The following BCL11B variants were observed in gnomAD, a reference collection of about 807,000 sequenced individuals.
BCL11B encodes the protein B-cell lymphoma/leukemia 11B.
A neutral mutation model predicts 49.9 loss-of-function variants in BCL11B; 8 were observed. The ratio of observed to expected loss-of-function variants is 0.16; its 90% CI spans 0.09 to 0.29. BCL11B has a LOEUF of 0.29. Among genes scored for constraint, BCL11B ranks in the 10% least tolerant of loss-of-function variants. The probability of loss-of-function intolerance (pLI) is 1.00; values close to 1 mark genes in which losing one functional copy is unlikely to be tolerated. For synonymous variants in BCL11B, 739 were observed against 637.4 expected (o/e 1.16, Z -2.40); for missense variants, 1,006 against 1,351.0 (o/e 0.74, Z 4.00).
Position 99,247,209 on chromosome 14 carries a change from C to T in BCL11B, c.427+10262G>A, listed in dbSNP as rs3890086. ...GCCAGGTCAGGAAAATTATATACTTCGTTTTCCCAACAAATAAAGTCGCCT... is the reference window on the plus strand; with the variant it reads ...GCCAGGTCAGGAAAATTATATACTTTGTTTTCCCAACAAATAAAGTCGCCT... On this transcript the variant is annotated intron_variant, in intron 2 of 3. Coordinates refer to ENST00000357195, the MANE Select transcript of BCL11B (RefSeq NM_138576.4). The surrounding 1 kb of genome is among the most constrained non-coding windows in gnomAD (Gnocchi z 4.5). 6.6e-6 allele frequency among the ~76,000 whole-genome samples: 1 copy of T among 152,180 alleles called. No individual in the cohort carries two copies. The highest frequency in any genetic ancestry group is 1.5e-5 in the Non-Finnish European group (1 of 68,024).
chr14:99,215,965 A>C (rs922322734), intron 3 of BCL11B, among the ~76,000 whole-genome samples: 2 of 152,234 alleles, frequency 1.3e-5, no homozygotes, highest in African/African-American at 2.4e-5. Context: ...TGCCGGGAAC[A>C]GAGGAAAAAG....
intron 1 of BCL11B, 72 bp downstream of exon 1, chr14:99,271,089 G>C: frequency 2.1e-6 from 3 of 1,429,908 alleles, no homozygotes; most frequent in Non-Finnish European, 2.8e-6. Flanking sequence ...GCTGTTCCGG[G>C]CTCGGTGTCC....
intron 2 of BCL11B, among the ~76,000 whole-genome samples, chr14:99,238,418 A>G (rs2139908586): frequency 6.6e-6 from 1 of 152,290 alleles, no homozygotes; most frequent in South Asian, 2.1e-4. Context: ...CTCAAGATGC[A>G]GGCAGCTGAA....
intron 3 of BCL11B, among the ~76,000 whole-genome samples, chr14:99,182,684 C>T (rs1255732080): frequency 6.6e-6 from 1 of 152,182 alleles, no homozygotes; most frequent in African/African-American, 2.4e-5. Context: ...ATGGTCTCCT[C>T]TGGTGGTAAT....
chr14:99,188,339 C>A (rs1238944867), intron 3 of BCL11B, among the ~76,000 whole-genome samples: 1 of 152,194 alleles, frequency 6.6e-6, no homozygotes, highest in African/African-American at 2.4e-5. Context: ...TTTCTTTTAT[C>A]TTTAATGCAT....
intron 1 of BCL11B, chr14:99,264,290 C>G (rs1033910913): frequency 6.9e-6 from 1 of 144,746 alleles, no homozygotes; most frequent in Admixed American, 6.8e-5. Context: ...ATGACACCGC[C>G]CCCCCCCTTT....
At chr14:99,181,503 G>A (rs1174460746) in intron 3 of BCL11B, among the ~76,000 whole-genome samples, 3 of 152,146 alleles carry the variant, frequency 2.0e-5, no homozygotes, top group South Asian at 2.1e-4. Context: ...GCCCCGCCTC[G>A]GCACACAGCA....
Position 99,212,064 on chromosome 14 carries a change from G to A in BCL11B, c.640+19281C>T, listed in dbSNP as rs7152878. ...CAAAGCTTCTCCCATCCTGCCCACC[G>A]ACTTCCACTCATTCTCATCATCCCT... On this transcript the variant is annotated intron_variant, in intron 3 of 3. Coordinates refer to ENST00000357195, the MANE Select transcript of BCL11B (RefSeq NM_138576.4). 2.6e-3 allele frequency among the ~76,000 whole-genome samples: 388 copies of A among 151,864 alleles called. 1 individual carries two copies. Among genetic ancestry groups the A allele is most frequent in the African/African-American group, 8.9e-3 (370 of 41,394 alleles).
chr14:99,268,670 G>C (rs900328244), intron 1 of BCL11B, among the ~76,000 whole-genome samples: 1 of 152,078 alleles, frequency 6.6e-6, no homozygotes, highest in Non-Finnish European at 1.5e-5. Context: ...CAGACGAAAA[G>C]CCAGCTGCTT....
At chr14:99,193,321 T>A (rs1887091256) in intron 3 of BCL11B, among the ~76,000 whole-genome samples, 1 of 152,126 alleles carries the variant, frequency 6.6e-6, no homozygotes, top group Non-Finnish European at 1.5e-5. Context: ...ATAAAAAAAA[T>A]TAAAATAGCT....
intron 3 of BCL11B, among the ~76,000 whole-genome samples, chr14:99,211,849 C>G (rs1186838599): frequency 6.6e-6 from 1 of 152,162 alleles, no homozygotes; most frequent in Non-Finnish European, 1.5e-5. Context: ...TAAGCAAAGT[C>G]TGCTTTTCCA....
intron 1 of BCL11B, among the ~76,000 whole-genome samples, chr14:99,260,432 C>T (rs1423304022): frequency 6.6e-6 from 1 of 152,102 alleles, no homozygotes; most frequent in African/African-American, 2.4e-5. Flanking sequence ...TCAGCCTCGT[C>T]CGCCCTCCTG....
In BCL11B at chr14:99,194,122, C is replaced by T. The variant is rs182873123; in HGVS notation, c.641-17927G>A. Among the ~76,000 whole-genome samples the T allele has an allele frequency of 2.8e-3, 420 of 152,314 alleles. 3 individuals carry two copies. Among genetic ancestry groups the T allele is most frequent in the African/African-American group, 9.6e-3 (400 of 41,578 alleles). On this transcript the variant is annotated intron_variant, in intron 3 of 3. Coordinates refer to ENST00000357195, the MANE Select transcript of BCL11B (RefSeq NM_138576.4). The surrounding 1 kb of genome is among the most constrained non-coding windows in gnomAD (Gnocchi z 4.6). Reference sequence around the variant, plus strand: ...CGTGAGAAACGTGCATGACCCCACACATGAATTCTCCCAAACATGATGGAG... The same window carrying T: ...CGTGAGAAACGTGCATGACCCCACATATGAATTCTCCCAAACATGATGGAG...
At chr14:99,234,202 G>A (rs972906975) in intron 2 of BCL11B, among the ~76,000 whole-genome samples, 1 of 152,080 alleles carries the variant, frequency 6.6e-6, no homozygotes, top group Non-Finnish European at 1.5e-5. Flanking sequence ...GTTTCTTCGG[G>A]GGGTGATGAA....
In BCL11B at chr14:99,170,505, A is replaced by C. The variant is rs1886253463; in HGVS notation, c.*3646T>G. 1 of 228,792 alleles carries C rather than the reference A, an allele frequency of 4.4e-6. No homozygotes were observed. The highest frequency in any genetic ancestry group is 8.7e-6 in the Non-Finnish European group (1 of 115,156). The allele number at this position is 228,792 out of a possible 1,614,324, so 14.2% of individuals were successfully genotyped here. On this transcript the variant is annotated 3_prime_UTR_variant, in exon 4 of 4. Transcript: ENST00000357195. ...ATCTTAAAGCTACTTGGCTTTACAA[A>C]AAATAAAAATAAAATAGAGGATTAG...
Position 99,218,005 on chromosome 14 carries a change from T to C in BCL11B, c.640+13340A>G, listed in dbSNP as rs560245170. ...AATCTGGATTATAGGCAAGTGTGTG[T>C]CCAGTTATTTTTAGCTCCTATTCAA... On this transcript the variant is annotated intron_variant, in intron 3 of 3. Transcript: ENST00000357195. 3.3e-5 allele frequency among the ~76,000 whole-genome samples: 5 copies of C among 152,042 alleles called. No homozygotes were observed. The East Asian group carries it at 9.7e-4, about 29-fold the overall frequency.
At chr14:99,208,032 T>C (rs533560470) in intron 3 of BCL11B, among the ~76,000 whole-genome samples, 101 of 152,230 alleles carry the variant, frequency 6.6e-4, no homozygotes, top group African/African-American at 2.3e-3. Flanking sequence ...GCGGGTGCTT[T>C]GTAAATGAAG....
Position 99,210,214 on chromosome 14 carries a change from G to A in BCL11B, c.640+21131C>T, listed in dbSNP as rs146280054. Among the ~76,000 whole-genome samples, 297 of 152,250 alleles carry A rather than the reference G, an allele frequency of 2.0e-3. 8 individuals carry two copies. Among genetic ancestry groups the A allele is most frequent in the African/African-American group, 5.5e-4 (23 of 41,548 alleles). ...GGAGCAATGGAGGCACACATGCTAC[G>A]GACATGCCCAACTCTAATGCGTCTC... On this transcript the variant is annotated intron_variant, in intron 3 of 3. Coordinates refer to ENST00000357195, the MANE Select transcript of BCL11B (RefSeq NM_138576.4).
chr14:99,187,091 T>C (rs552382606), intron 3 of BCL11B, among the ~76,000 whole-genome samples: 1 of 152,278 alleles, frequency 6.6e-6, no homozygotes, highest in African/African-American at 2.4e-5. Context: ...ACCCGAGATT[T>C]CCCAAAACAG....
Sources: allele counts gnomAD v4.1 joint callset (sites outside exome capture counted in the v4.1 genomes callset), GRCh38; gene constraint gnomAD v4.1.1; non-coding constraint Gnocchi (gnomAD v3.1); transcripts MANE v1.5; gene names NCBI Gene and HGNC (gene_info 2026-07-23, HGNC 2026-07-21).